Variants in QSOX2 observed in about 807,000 individuals in gnomAD.
QSOX2 encodes quiescin sulfhydryl oxidase 2, also known as sulfhydryl oxidase 2.
Under a neutral mutation model 61.7 loss-of-function variants are expected in QSOX2, and 46 were observed. The observed-to-expected ratio is 0.75, with a 90% CI of 0.59 to 0.95. The LOEUF (loss-of-function observed/expected upper bound fraction) is 0.95, where lower values mean the gene tolerates loss of function less well. Among genes scored for constraint, QSOX2 ranks in the 40% least tolerant of loss-of-function variants. The pLI, the probability that QSOX2 is intolerant of heterozygous loss-of-function variation, is 0.00. For missense variants in QSOX2, 879 were observed against 918.9 expected, an observed-to-expected ratio of 0.96 and a Z score of 0.56; for synonymous variants, 383 against 388.4, an observed-to-expected ratio of 0.99 and a Z score of 0.16.
intron 7 of QSOX2, 32 bp from the exon 8 acceptor site, chr9:136,218,840 C>A (rs753109890): frequency 8.1e-6 from 13 of 1,604,082 alleles, no homozygotes; most frequent in Admixed American, 3.4e-5. Flanking sequence ...TCAGGGAATG[C>A]CCAACCTTTC....
chr9:136,244,705 G>T (rs1018769187), intron 1 of QSOX2, among the ~76,000 whole-genome samples: 6 of 152,198 alleles, frequency 3.9e-5, no homozygotes, highest in Admixed American at 3.9e-4. Context: ...GAGTAACTTC[G>T]TGACTGGTTA....
chr9:136,217,400 C>T (rs894116253), intron 8 of QSOX2, among the ~76,000 whole-genome samples: 3 of 152,184 alleles, frequency 2.0e-5, no homozygotes, highest in African/African-American at 7.2e-5. Flanking sequence ...AGACCAGAAA[C>T]ACCAGCCACC....
intron 1 of QSOX2, among the ~76,000 whole-genome samples, chr9:136,244,247 T>C (rs1041686485): frequency 2.0e-5 from 3 of 152,220 alleles, no homozygotes; most frequent in Non-Finnish European, 2.9e-5. Flanking sequence ...ACAGTTTTTC[T>C]GTCCATCTCT....
Position 136,208,509 on chromosome 9 carries a change from C to A in QSOX2, c.*219G>T, listed in dbSNP as rs535552704. The A allele has an allele frequency of 2.2e-5, 12 of 553,624 alleles. No individual in the cohort carries two copies. Among genetic ancestry groups the A allele is most frequent in the Non-Finnish European group, 3.8e-5 (12 of 318,580 alleles). The allele number at this position is 553,624 out of a possible 1,614,324, so 34.3% of individuals were successfully genotyped here. The stretch of plus-strand genomic sequence containing the variant: ...AAAGGAGCATGAACAGACTTGAGTA[C>A]GCCAGGAATGCAAATATCCCCACAA... On this transcript the variant is annotated 3_prime_UTR_variant, in exon 12 of 12. Transcript: ENST00000358701.
In QSOX2 at chr9:136,209,170, C is replaced by G; in HGVS notation, c.1655G>C (p.Gly552Ala). ...CTGCTTCAAGAATGTGAGCACGTGGCCTTCATCCCAGCTGGCCAGGCCCTT... is the reference window on the plus strand; with the variant it reads ...CTGCTTCAAGAATGTGAGCACGTGGGCTTCATCCCAGCTGGCCAGGCCCTT... ...EIKGLASWDE[G>A]HVLTFLKQHY... Residue 552 changes from glycine (G) to alanine (A), a missense_variant, in exon 12 of 12, where the codon GGC becomes GCC. Physicochemically the swap from Gly to Ala is moderately conservative, Grantham distance 60. Coordinates refer to ENST00000358701, the MANE Select transcript of QSOX2 (RefSeq NM_181701.4). The surrounding 1 kb of genome is among the most constrained non-coding windows in gnomAD (Gnocchi z 5.6). 2 of 1,614,156 alleles carry G rather than the reference C, an allele frequency of 1.2e-6. No individual in the cohort carries two copies. Among genetic ancestry groups the G allele is most frequent in the Non-Finnish European group, 1.7e-6 (2 of 1,180,026 alleles).
chr9:136,211,144 G>T, intron 11 of QSOX2, 120 bp downstream of exon 11: 1 of 1,094,482 alleles, frequency 9.1e-7, no homozygotes. Flanking sequence ...CAGCACAGTG[G>T]GTGGCACGAG....
chr9:136,223,615 T>C lies in QSOX2; in HGVS notation c.675+148A>G, dbSNP rs1357299673. ...AGTGACTTTGCTGAGTAACATTAAC[T>C]AAGCTTCTGATAATGAACAAGACCT... On this transcript the variant is annotated intron_variant, in intron 5 of 11. Transcript: ENST00000358701. The surrounding 1 kb of genome is among the most constrained non-coding windows in gnomAD (Gnocchi z 4.4). 5 of 623,904 alleles carry C rather than the reference T, an allele frequency of 8.0e-6. No homozygotes were observed. Among genetic ancestry groups the C allele is most frequent in the African/African-American group, 1.8e-5 (1 of 54,256 alleles). 38.6% of individuals were successfully genotyped at this position (623,904 alleles called of 1,614,324 possible).
At chr9:136,238,844 C>T (rs1297041593) in intron 1 of QSOX2, among the ~76,000 whole-genome samples, 2 of 152,238 alleles carry the variant, frequency 1.3e-5, no homozygotes, top group Middle Eastern at 3.2e-3. Context: ...CCCCCTTGAG[C>T]GACCAAGACC....
chr9:136,227,747 G>T (rs1003340963), intron 1 of QSOX2, among the ~76,000 whole-genome samples: 8 of 152,170 alleles, frequency 5.3e-5, no homozygotes, highest in Non-Finnish European at 1.2e-4. Flanking sequence ...GGCCGAGGTG[G>T]GCAGATCGTT....
chr9:136,211,731 C>T (rs934674647), intron 10 of QSOX2, among the ~76,000 whole-genome samples: 2 of 152,216 alleles, frequency 1.3e-5, no homozygotes, highest in Non-Finnish European at 2.9e-5. Flanking sequence ...GGATGAGCCA[C>T]GGACTCGGCC....
intron 3 of QSOX2, 37 bp from the exon 4 acceptor site, chr9:136,224,149 G>A (rs750524463): frequency 1.3e-5 from 20 of 1,537,376 alleles, no homozygotes; most frequent in Admixed American, 5.1e-5. Context: ...CTGTGTGTGC[G>A]GCTGTCCTCG....
intron 1 of QSOX2, among the ~76,000 whole-genome samples, chr9:136,231,852 G>C (rs533787571): frequency 1.3e-5 from 2 of 151,930 alleles, no homozygotes; most frequent in South Asian, 2.1e-4. Context: ...GAGAGGGAGA[G>C]CGAGCCTCAG....
intron 1 of QSOX2, among the ~76,000 whole-genome samples, chr9:136,230,232 T>C (rs1047065883): frequency 3.9e-5 from 6 of 152,212 alleles, no homozygotes; most frequent in African/African-American, 1.2e-4. Flanking sequence ...TGAGCCAAGA[T>C]AGCGCCACTG....
Position 136,209,363 on chromosome 9 carries a change from C to T in QSOX2, c.1550-88G>A. 6 of 1,545,514 alleles carry T rather than the reference C, an allele frequency of 3.9e-6. No homozygotes were observed. The highest frequency in any genetic ancestry group is 1.9e-5 in the Admixed American group (1 of 53,852). On this transcript the variant is annotated intron_variant, in intron 11 of 11. Coordinates refer to ENST00000358701, the MANE Select transcript of QSOX2 (RefSeq NM_181701.4). The surrounding 1 kb of genome is among the most constrained non-coding windows in gnomAD (Gnocchi z 5.6). ...TGCGGCAACCGGACTCCCACTCCCA[C>T]CCACCACGGGCCTCCACTGCCCTGG...
Position 136,208,872 on chromosome 9 carries a change from G to A in QSOX2, c.1953C>T (p.Phe651=), listed in dbSNP as rs1564288168. The change falls in exon 12 of 12, where the codon TTC becomes TTT. Residue 651 remains phenylalanine, a synonymous_variant. Transcript: ENST00000358701. The part of the protein sequence containing the change: ...AHKEVGGAAP[F]LGVDFSSLDM... ...CCAGGCTGGAGAAGTCAACCCCGAG[G>A]AAGGGTGCGGCCCCGCCCACCTCCT... 2 of 1,614,052 alleles carry A rather than the reference G, an allele frequency of 1.2e-6. No individual in the cohort carries two copies. The highest frequency in any genetic ancestry group is 1.1e-5 in the South Asian group (1 of 91,076).
intron 2 of QSOX2, among the ~76,000 whole-genome samples, chr9:136,225,738 C>T (rs1830274267): frequency 6.6e-6 from 1 of 152,276 alleles, no homozygotes; most frequent in African/African-American, 2.4e-5. Flanking sequence ...GCCCACACAC[C>T]TGGCAACGGG....
intron 10 of QSOX2, 126 bp downstream of exon 10, chr9:136,215,028 T>A (rs1052260300): frequency 1.7e-6 from 2 of 1,161,200 alleles, no homozygotes; most frequent in Non-Finnish European, 1.2e-6. Context: ...GAAGTGCCAT[T>A]CCCCTGCCTC....
chr9:136,231,249 G>T (rs368890043), intron 1 of QSOX2, among the ~76,000 whole-genome samples: 2 of 152,174 alleles, frequency 1.3e-5, no homozygotes, highest in East Asian at 1.9e-4. Flanking sequence ...CCTAACAGGC[G>T]TGCCCGACTC....
At chr9:136,216,868 T>A in intron 8 of QSOX2, 146 bp from the exon 9 acceptor site, 1 of 1,032,882 alleles carries the variant, frequency 9.7e-7, no homozygotes, top group Non-Finnish European at 1.4e-6. Context: ...CGGGTTTCTC[T>A]GATGGGAGGC....
Sources: allele counts gnomAD v4.1 joint callset (sites outside exome capture counted in the v4.1 genomes callset), GRCh38; gene constraint gnomAD v4.1.1; non-coding constraint Gnocchi (gnomAD v3.1); transcripts MANE v1.5; gene names NCBI Gene and HGNC (gene_info 2026-07-23, HGNC 2026-07-21).